DNMT1: variants seen among roughly 807,000 people sequenced by gnomAD.
DNMT1 encodes DNA methyltransferase 1, also known as DNA (cytosine-5)-methyltransferase 1.
Under a neutral mutation model 205.3 loss-of-function variants are expected in DNMT1, and 24 were observed. That is an observed-to-expected ratio of 0.12 (90% CI 0.08 to 0.16). The LOEUF (loss-of-function observed/expected upper bound fraction) is 0.16. DNMT1 is among the 10% of genes least tolerant of loss of function. The probability of loss-of-function intolerance (pLI) is 1.00; values close to 1 mark genes in which losing one functional copy is unlikely to be tolerated. For synonymous variants in DNMT1, 817 were observed against 839.8 expected (o/e 0.97, Z 0.47); for missense variants, 1,293 against 2,177.7 (o/e 0.59, Z 8.09).
rs80293926 is a variant in DNMT1 at position 10,152,682 on chromosome 19, G to A, written c.2020-835C>T. 5.8e-3 allele frequency among the ~76,000 whole-genome samples: 883 copies of A among 152,100 alleles called. 18 individuals are homozygous for A. Among genetic ancestry groups the A allele is most frequent in the East Asian group, 0.034 (174 of 5,176 alleles). ...AGGCTAAGGTGGGAAGATCACTTGA[G>A]CCCAGTAGGTTGAGAATGCAGTGAG... On this transcript the variant is annotated intron_variant, in intron 22 of 40. Transcript: ENST00000359526.
chr19:10,140,718 C>T lies in DNMT1; in HGVS notation c.3523+63G>A. On this transcript the variant is annotated intron_variant, in intron 32 of 40. Coordinates refer to ENST00000359526, the MANE Select transcript of DNMT1 (RefSeq NM_001130823.3). This position sits in a 1 kb window ranked among gnomAD's most constrained non-coding sequence, Gnocchi z 8.4. Reference sequence around the variant, plus strand: ...AGGTGACCGGGGTTGGAAGTCGTTTCAGGTAGCACCTGCCCGGTCTGGGCT... The same window carrying T: ...AGGTGACCGGGGTTGGAAGTCGTTTTAGGTAGCACCTGCCCGGTCTGGGCT... 6.2e-7 allele frequency: 1 copy of T among 1,613,350 alleles called. No individual in the cohort carries two copies. The highest frequency in any genetic ancestry group is 1.1e-5 in the South Asian group (1 of 91,052).
In DNMT1 at chr19:10,156,458, C is replaced by T; in HGVS notation, c.1332G>A (p.Glu444=). The part of the protein sequence containing the change: ...HLCPIDTGLI[E]KNIELFFSGS... ...CAGAAAAGAAGAGTTCGATATTCTT[C>T]TCGATGAGGCCGGTGTCGATGGGAC... is the stretch of plus-strand genomic sequence containing the variant. Residue 444 remains glutamate (E), a synonymous_variant, in exon 18 of 41, where the codon GAG becomes GAA. Coordinates refer to ENST00000359526, the MANE Select transcript of DNMT1 (RefSeq NM_001130823.3). This position sits in a 1 kb window ranked among gnomAD's most constrained non-coding sequence, Gnocchi z 4.2. The T allele has an allele frequency of 6.2e-7, 1 of 1,613,462 alleles. No homozygotes were observed. The highest frequency in any genetic ancestry group is 8.5e-7 in the Non-Finnish European group (1 of 1,179,616).
intron 27 of DNMT1, 104 bp downstream of exon 27, chr19:10,148,780 C>T (rs2038262206): frequency 4.4e-6 from 7 of 1,598,208 alleles, no homozygotes; most frequent in Non-Finnish European, 6.0e-6. Flanking sequence ...GAGACACAAA[C>T]TGGGGGGCCG....
intron 1 of DNMT1, among the ~76,000 whole-genome samples, chr19:10,187,601 AGCAC>A (rs892655110): frequency 4.0e-5 from 6 of 150,702 alleles, no homozygotes; most frequent in African/African-American, 1.5e-4. Flanking sequence ...TGGGTATGAC[AGCAC>A]GCACCTGTAC....
Position 10,138,874 on chromosome 19 carries a change from C to G in DNMT1, c.3949-269G>C, listed in dbSNP as rs952950422. On this transcript the variant is annotated intron_variant, in intron 34 of 40. Coordinates refer to ENST00000359526, the MANE Select transcript of DNMT1 (RefSeq NM_001130823.3). The surrounding 1 kb of genome is among the most constrained non-coding windows in gnomAD (Gnocchi z 4.1). ...GGAAGTCCGGCCAGCTCTGAAAGCACTGCAAGGGCCCCAAGGTCTTAGCAC... is the reference window on the plus strand; with the variant it reads ...GGAAGTCCGGCCAGCTCTGAAAGCAGTGCAAGGGCCCCAAGGTCTTAGCAC... Among the ~76,000 whole-genome samples, 1 of 152,190 alleles carries G rather than the reference C, an allele frequency of 6.6e-6. No homozygotes were observed. The highest frequency in any genetic ancestry group is 1.5e-5 in the Non-Finnish European group (1 of 68,030).
chr19:10,159,284 C>A lies in DNMT1; in HGVS notation c.1280+374G>T, dbSNP rs149427469. On this transcript the variant is annotated intron_variant, in intron 17 of 40. Transcript: ENST00000359526. The surrounding 1 kb of genome is among the most constrained non-coding windows in gnomAD (Gnocchi z 5.0). ...AGGCTGGAATGCAGTGGCACCACCT[C>A]GGCTCACTGCAGCCTCCGCCTCCAG... 2.0e-5 allele frequency among the ~76,000 whole-genome samples: 3 copies of A among 152,212 alleles called. No homozygotes were observed. The highest frequency in any genetic ancestry group is 1.3e-4 in the Admixed American group (2 of 15,276).
rs546857479 is a variant in DNMT1, at chr19:10,138,755, G to A, written c.3949-150C>T. On this transcript the variant is annotated intron_variant, in intron 34 of 40. Coordinates refer to ENST00000359526, the MANE Select transcript of DNMT1 (RefSeq NM_001130823.3). The surrounding 1 kb of genome is among the most constrained non-coding windows in gnomAD (Gnocchi z 4.1). ...GAAATCCCCAGTTACCTCAGCAGGCGTGCTCCTGGTCAGAGGAGTTTGGAG... is the reference window on the plus strand; with the variant it reads ...GAAATCCCCAGTTACCTCAGCAGGCATGCTCCTGGTCAGAGGAGTTTGGAG... 30 of 1,059,976 alleles carry A rather than the reference G, an allele frequency of 2.8e-5. No individual in the cohort carries two copies. The highest frequency in any genetic ancestry group is 5.2e-5 in the East Asian group (2 of 38,318). The allele number at this position is 1,059,976 out of a possible 1,614,324, so 65.7% of individuals were successfully genotyped here. A position where few individuals can be genotyped will look rare whatever the true frequency, so the allele number is the denominator to read the frequency against.
At chr19:10,183,123 ATAT>A (rs1403463518) in intron 1 of DNMT1, among the ~76,000 whole-genome samples, 1 of 126,386 alleles carries the variant, frequency 7.9e-6, no homozygotes, top group Non-Finnish European at 1.6e-5. Flanking sequence ...ATATATATAT[ATAT>A]TTTTTTTTTT....
chr19:10,161,311 A>G (rs2038564809), intron 13 of DNMT1, among the ~76,000 whole-genome samples: 1 of 145,582 alleles, frequency 6.9e-6, no homozygotes, highest in African/African-American at 2.5e-5. Context: ...CTCAAAAAAC[A>G]AATACATAAG....
chr19:10,163,969 C>A (rs2038633521), intron 11 of DNMT1, among the ~76,000 whole-genome samples: 1 of 152,080 alleles, frequency 6.6e-6, no homozygotes, highest in African/African-American at 2.4e-5. Flanking sequence ...GACACAAGCT[C>A]CTCCCCAGGT....
Position 10,138,624 on chromosome 19 carries a change from G to A in DNMT1, c.3949-19C>T, listed in dbSNP as rs981123053. 4 of 1,597,886 alleles carry A rather than the reference G, an allele frequency of 2.5e-6. No homozygotes were observed. The highest frequency in any genetic ancestry group is 2.2e-5 in the East Asian group (1 of 44,820). Reference sequence around the variant, plus strand: ...GACCGGCCTGTGGGGGAGAAGGACGGACAACCCCACCGTCAGTGGGACACT... The same window carrying A: ...GACCGGCCTGTGGGGGAGAAGGACGAACAACCCCACCGTCAGTGGGACACT... On this transcript the variant is annotated intron_variant, in intron 34 of 40. Transcript: ENST00000359526. The surrounding 1 kb of genome is among the most constrained non-coding windows in gnomAD (Gnocchi z 4.1).
intron 1 of DNMT1, among the ~76,000 whole-genome samples, chr19:10,190,765 AAAAATAAAATAAAATAAAATAAAAT>A (rs71188886): frequency 4.5e-4 from 61 of 134,640 alleles, no homozygotes; most frequent in Admixed American, 1.7e-3. Flanking sequence ...ACTCTGTCTC[AAAAATAAAATAAAATAAAATAAAAT>A]AAAATAAAAT....
In DNMT1 at chr19:10,173,162, C is replaced by A; in HGVS notation, c.696G>T (p.Pro232=). 1 of 1,614,126 alleles carries A rather than the reference C, an allele frequency of 6.2e-7. No individual in the cohort carries two copies. The highest frequency in any genetic ancestry group is 8.5e-7 in the Non-Finnish European group (1 of 1,180,032). Residue 232 remains proline, a synonymous_variant, in exon 9 of 41, where the codon CCG becomes CCT. Coordinates refer to ENST00000359526, the MANE Select transcript of DNMT1 (RefSeq NM_001130823.3). The part of the protein sequence containing the change: ...RVTSRERVAR[P]LPAEEPERAK... ...CTCTTTCAGGTTCTTCTGCAGGAAG[C>A]GGTCTAGCAACTCTGTCAAGCAAAA...
intron 9 of DNMT1, among the ~76,000 whole-genome samples, chr19:10,170,786 T>C: frequency 6.6e-6 from 1 of 151,940 alleles, no homozygotes; most frequent in Non-Finnish European, 1.5e-5. Flanking sequence ...TTTGTTTGTT[T>C]GTTTTGTTTG....
chr19:10,155,496 C>A (rs571568688), intron 19 of DNMT1, among the ~76,000 whole-genome samples: 1 of 152,064 alleles, frequency 6.6e-6, no homozygotes, highest in African/African-American at 2.4e-5. Context: ...CACCACCATG[C>A]GTGGCTAATT....
At chr19:10,134,007 G>C (rs757688587) in intron 40 of DNMT1, among the ~76,000 whole-genome samples, 1 of 152,198 alleles carries the variant, frequency 6.6e-6, no homozygotes, top group Non-Finnish European at 1.5e-5. Flanking sequence ...CTGACCAAAG[G>C]CCTGCTGTGT....
chr19:10,155,096 C>G, intron 19 of DNMT1, 40 bp from the exon 20 acceptor site: 1 of 1,612,712 alleles, frequency 6.2e-7, no homozygotes, highest in Non-Finnish European at 8.5e-7. Flanking sequence ...GGGCTGGAAT[C>G]TGATGGCGCC....
chr19:10,162,844 G>T (rs2038603481), intron 12 of DNMT1, 96 bp from the exon 13 acceptor site: 5 of 1,368,382 alleles, frequency 3.7e-6, no homozygotes, highest in Non-Finnish European at 4.1e-6. Context: ...CCTCCCCATG[G>T]GAAAGCAAGA....
rs774111566 is a variant in DNMT1 at position 10,180,340 on chromosome 19, C to T, written c.445+10G>A. 40 of 1,609,330 alleles carry T rather than the reference C, an allele frequency of 2.5e-5. No individual in the cohort carries two copies. Among genetic ancestry groups the T allele is most frequent in the Non-Finnish European group, 2.9e-5 (34 of 1,179,986 alleles). On this transcript the variant is annotated intron_variant, in intron 4 of 40. Transcript: ENST00000359526. ...AACAATTAAAAATAAAAGGAATCATCTGCTCTTACGCTTAGCCTCTCCATC... is the reference window on the plus strand; with the variant it reads ...AACAATTAAAAATAAAAGGAATCATTTGCTCTTACGCTTAGCCTCTCCATC...
Sources: gnomAD v4.1 joint callset for allele counts (sites outside exome capture counted in the v4.1 genomes callset) on GRCh38, gnomAD v4.1.1 for gene constraint, Gnocchi (gnomAD v3.1) non-coding constraint, MANE v1.5 for transcripts, NCBI Gene and HGNC (gene_info 2026-07-23, HGNC 2026-07-21) for gene names.